ASTN2: variants seen among roughly 807,000 people sequenced by gnomAD.
ASTN2 encodes astrotactin 2, also known as astrotactin-2.
Under a neutral mutation model 139.8 loss-of-function variants are expected in ASTN2, and 54 were observed. The ratio of observed to expected loss-of-function variants is 0.39; its 90% CI spans 0.31 to 0.48. The LOEUF (loss-of-function observed/expected upper bound fraction) is 0.48, where lower values mean the gene tolerates loss of function less well. Among genes scored for constraint, ASTN2 ranks in the 20% least tolerant of loss-of-function variants. ASTN2 has a pLI of 0.95. For missense variants in ASTN2, 1,565 were observed against 1,725.1 expected, an observed-to-expected ratio of 0.91 and a Z score of 1.64; for synonymous variants, 756 against 719.5, an observed-to-expected ratio of 1.05 and a Z score of -0.81.
intron 5 of ASTN2, among the ~76,000 whole-genome samples, chr9:117,077,721 C>T (rs1452159483): frequency 6.6e-6 from 1 of 152,056 alleles, no homozygotes. Context: ...GCACTCCAGC[C>T]TGGGTGACAG....
rs59415099 is a variant in ASTN2, at chr9:116,565,215, A to AACACAC, written c.3355+53103_3355+53108dup. ...TGAAAAAATCCTTAGGCTTGCCACA[A>AACACAC]ACACACACACACACACACACACACA... On this transcript the variant is annotated intron_variant, in intron 19 of 22. Transcript: ENST00000313400. Among the ~76,000 whole-genome samples, 257 of 134,296 alleles carry AACACAC rather than the reference A, an allele frequency of 1.9e-3. 3 individuals carry two copies. The highest frequency in any genetic ancestry group is 3.8e-3 in the Middle Eastern group (1 of 266). 88.1% of individuals were successfully genotyped at this position (134,296 alleles called of 152,430 possible). A position where few individuals can be genotyped will look rare whatever the true frequency, so the allele number is the denominator to read the frequency against.
intron 1 of ASTN2, among the ~76,000 whole-genome samples, chr9:117,312,293 A>C (rs1353875166): frequency 6.6e-6 from 1 of 152,178 alleles, no homozygotes; most frequent in Admixed American, 6.5e-5. Context: ...GAATCACAAA[A>C]TAAAAACGTT....
chr9:117,135,368 A>G lies in ASTN2; in HGVS notation c.1168+5958T>C, dbSNP rs1829926391. ...AAATAAGATAAAATGTGTGATGGGC[A>G]AGGTGCCTAGAACATACCAAATGCT... On this transcript the variant is annotated intron_variant, in intron 4 of 22. Transcript: ENST00000313400. 2.0e-5 allele frequency among the ~76,000 whole-genome samples: 3 copies of G among 152,200 alleles called. No homozygotes were observed. In the South Asian group the frequency reaches 6.2e-4, roughly 32 times the overall value.
intron 13 of ASTN2, among the ~76,000 whole-genome samples, chr9:116,791,427 A>G (rs979386942): frequency 1.3e-5 from 2 of 152,248 alleles, no homozygotes; most frequent in African/African-American, 2.4e-5. Context: ...TTAAGAATGC[A>G]TAATGCCTTG....
chr9:117,302,794 T>C (rs1334749450), intron 1 of ASTN2, among the ~76,000 whole-genome samples: 1 of 152,082 alleles, frequency 6.6e-6, no homozygotes, highest in East Asian at 1.9e-4. Context: ...TGACATTAAG[T>C]CCAACAGCTA....
chr9:116,760,649 T>A (rs1829651134), intron 13 of ASTN2, among the ~76,000 whole-genome samples: 2 of 151,988 alleles, frequency 1.3e-5, no homozygotes, highest in Non-Finnish European at 2.9e-5. Flanking sequence ...TTTTTTTCCT[T>A]CTAGATTGTG....
At chr9:116,622,792 T>C (rs774674679) in intron 17 of ASTN2, among the ~76,000 whole-genome samples, 33 of 152,236 alleles carry the variant, frequency 2.2e-4, no homozygotes, top group Non-Finnish European at 4.1e-4. Flanking sequence ...ATAAAGTGTC[T>C]GGGCCAGGGT....
chr9:116,746,382 G>A (rs1422024043), intron 13 of ASTN2, among the ~76,000 whole-genome samples: 2 of 151,938 alleles, frequency 1.3e-5, no homozygotes, highest in African/African-American at 4.8e-5. Flanking sequence ...CACCATGCCC[G>A]GCCAATTGAG....
At chr9:117,225,336 C>T (rs1832668548) in intron 2 of ASTN2, among the ~76,000 whole-genome samples, 1 of 151,406 alleles carries the variant, frequency 6.6e-6, no homozygotes, top group Admixed American at 6.6e-5. Context: ...GTCGCAAATC[C>T]CACTCTGAAG....
Position 116,725,868 on chromosome 9 carries a change from G to A in ASTN2, c.2709C>T (p.His903=). 6.2e-7 allele frequency: 1 copy of A among 1,614,088 alleles called. No individual in the cohort carries two copies. The highest frequency in any genetic ancestry group is 8.5e-7 in the Non-Finnish European group (1 of 1,180,020). ...LLSFIQHYGS[H]YIAEALYGSE... ...AGCCATAGAGGGCCTCTGCGATGTA[G>A]TGGGAGCCATAGTGCTGGATGAAGG... The change falls in exon 16 of 23, where the codon CAC becomes CAT. Residue 903 remains histidine (H), a synonymous_variant. Coordinates refer to ENST00000313400, the MANE Select transcript of ASTN2 (RefSeq NM_001365068.1).
At chr9:116,458,212 G>C in intron 20 of ASTN2, among the ~76,000 whole-genome samples, 1 of 151,714 alleles carries the variant, frequency 6.6e-6, no homozygotes, top group Admixed American at 6.6e-5. Context: ...TCAGAGGCTA[G>C]GAAGGGCAGT....
intron 2 of ASTN2, among the ~76,000 whole-genome samples, chr9:117,257,204 AT>A (rs1487251164): frequency 6.6e-6 from 1 of 152,200 alleles, no homozygotes; most frequent in African/African-American, 2.4e-5. Flanking sequence ...GTCCTGATTC[AT>A]TAAATGGATT....
intron 16 of ASTN2, among the ~76,000 whole-genome samples, chr9:116,725,366 A>G (rs1828590396): frequency 6.6e-6 from 1 of 151,860 alleles, no homozygotes; most frequent in African/African-American, 2.4e-5. Flanking sequence ...CTTGGGAGAG[A>G]AGAACCCAAG....
intron 2 of ASTN2, among the ~76,000 whole-genome samples, chr9:117,257,869 T>C (rs1037365670): frequency 3.3e-5 from 5 of 152,216 alleles, no homozygotes; most frequent in South Asian, 2.1e-4. Context: ...CTCTTTTCCA[T>C]TGTGGGACAA....
At chr9:116,682,469 A>G (rs373806538) in intron 16 of ASTN2, among the ~76,000 whole-genome samples, 12 of 152,186 alleles carry the variant, frequency 7.9e-5, no homozygotes, top group East Asian at 1.9e-4. Flanking sequence ...TCAGTGTGGC[A>G]ATTCCTCAGG....
chr9:117,213,032 T>C (rs1832191519), intron 3 of ASTN2, among the ~76,000 whole-genome samples: 1 of 152,162 alleles, frequency 6.6e-6, no homozygotes, highest in Non-Finnish European at 1.5e-5. Flanking sequence ...GGAATCAACC[T>C]AGGTGTCCAA....
intron 7 of ASTN2, among the ~76,000 whole-genome samples, chr9:116,983,869 A>C (rs1018540970): frequency 6.6e-6 from 1 of 152,226 alleles, no homozygotes; most frequent in East Asian, 1.9e-4. Flanking sequence ...ATCTGGATTC[A>C]TCCTCAGCTT....
At chr9:116,770,304 T>A (rs992300497) in intron 13 of ASTN2, among the ~76,000 whole-genome samples, 13 of 152,144 alleles carry the variant, frequency 8.5e-5, no homozygotes, top group Non-Finnish European at 1.6e-4. Flanking sequence ...TGATTTTTTT[T>A]ATTCAGATCT....
chr9:117,014,082 C>A (rs1311694624), intron 6 of ASTN2, among the ~76,000 whole-genome samples: 1 of 152,134 alleles, frequency 6.6e-6, no homozygotes, highest in Non-Finnish European at 1.5e-5. Flanking sequence ...CCTTCTGTTA[C>A]ATCATGAATA....
Sources: gnomAD v4.1 joint callset for allele counts (sites outside exome capture counted in the v4.1 genomes callset) on GRCh38, gnomAD v4.1.1 for gene constraint, MANE v1.5 for transcripts, NCBI Gene and HGNC (gene_info 2026-07-23, HGNC 2026-07-21) for gene names.